TYW1B: variants seen among roughly 807,000 people sequenced by gnomAD.
TYW1B encodes the protein tRNA-yW synthesizing protein 1 homolog B.
TYW1B carries 73 observed loss-of-function variants against 86.9 expected under a neutral mutation model. The ratio of observed to expected loss-of-function variants is 0.84; its 90% CI spans 0.70 to 1.02. The LOEUF is 1.02. Among genes scored for constraint, TYW1B ranks in the 50% least tolerant of loss-of-function variants. The pLI, the probability that TYW1B is intolerant of heterozygous loss-of-function variation, is 0.00. For synonymous variants in TYW1B, 248 were observed against 292.8 expected (o/e 0.85, Z 1.56); for missense variants, 637 against 827.4 (o/e 0.77, Z 2.82).
At position 72,694,784 on chromosome 7, in the gene TYW1B, T is replaced by C. The variant is rs1554451139; in HGVS notation, c.1409A>G (p.Asp470Gly). The C allele has an allele frequency of 1.2e-6, 2 of 1,611,282 alleles. No homozygotes were observed. The highest frequency in any genetic ancestry group is 8.5e-7 in the Non-Finnish European group (1 of 1,179,376). The change falls in exon 11 of 14, where the codon GAT (aspartate) becomes GGT (glycine). Residue 470 changes from aspartate (D) to glycine (G), a missense_variant. Transcript: ENST00000620995. ...CTTCAGGCTGTCTTTGGTACTGGCA[T>C]CCACACTGACATACAGCTGAGTAAC... ...EPVTQLYVSV[D>G]ASTKDSLKKI...
chr7:72,604,994 G>C (rs1441620921), intron 13 of TYW1B, among the ~76,000 whole-genome samples: 1 of 152,184 alleles, frequency 6.6e-6, no homozygotes, highest in African/African-American at 2.4e-5. Flanking sequence ...TAGCCGCTAA[G>C]TAGCCTGCCT....
intron 11 of TYW1B, among the ~76,000 whole-genome samples, chr7:72,674,520 T>G (rs1369316676): frequency 1.3e-5 from 2 of 151,868 alleles, no homozygotes; most frequent in African/African-American, 4.8e-5. Flanking sequence ...AATCCACACC[T>G]CCATACACAC....
chr7:72,705,776 G>A (rs1409257390), intron 10 of TYW1B, among the ~76,000 whole-genome samples: 4 of 152,124 alleles, frequency 2.6e-5, no homozygotes, highest in African/African-American at 9.7e-5. Context: ...AGTTCTCTGA[G>A]GTTCCTCAGA....
chr7:72,626,449 G>C (rs111931569), intron 12 of TYW1B, among the ~76,000 whole-genome samples: 122 of 140,484 alleles, frequency 8.7e-4, no homozygotes, highest in Middle Eastern at 7.9e-3. Context: ...TCTTATCCCT[G>C]AAACTTCGAG....
intron 11 of TYW1B, among the ~76,000 whole-genome samples, chr7:72,686,533 A>G (rs180924723): frequency 2.6e-5 from 4 of 152,300 alleles, no homozygotes; most frequent in Non-Finnish European, 2.9e-5. Flanking sequence ...AGATCCATCC[A>G]TGGTTGCCAG....
chr7:72,733,386 G>A (rs577825473), intron 8 of TYW1B, among the ~76,000 whole-genome samples: 26 of 152,268 alleles, frequency 1.7e-4, no homozygotes, highest in African/African-American at 4.6e-4. Flanking sequence ...TTGGCCGGGC[G>A]CGGTGGCTCA....
intron 9 of TYW1B, among the ~76,000 whole-genome samples, chr7:72,723,501 T>C (rs2129570919): frequency 6.6e-6 from 1 of 152,254 alleles, no homozygotes; most frequent in South Asian, 2.1e-4. Flanking sequence ...GTGCAGTGGT[T>C]CACACCTATA....
At chr7:72,657,163 A>G (rs1414119795) in intron 11 of TYW1B, among the ~76,000 whole-genome samples, 1 of 152,206 alleles carries the variant, frequency 6.6e-6, no homozygotes, top group Admixed American at 6.5e-5. Context: ...CTAAAATAGA[A>G]CCAAATCAGA....
intron 11 of TYW1B, among the ~76,000 whole-genome samples, chr7:72,687,397 G>A (rs1814033046): frequency 6.6e-6 from 1 of 152,130 alleles, no homozygotes. Context: ...TCACACCATT[G>A]CACTCCAGCC....
intron 13 of TYW1B, among the ~76,000 whole-genome samples, chr7:72,595,472 T>A (rs1279936089): frequency 3.3e-5 from 5 of 152,124 alleles, no homozygotes; most frequent in African/African-American, 1.2e-4. Context: ...TTGCTTGAGC[T>A]CAGGAGTTTG....
intron 9 of TYW1B, among the ~76,000 whole-genome samples, chr7:72,728,356 G>C (rs186546737): frequency 6.6e-6 from 1 of 152,244 alleles, no homozygotes; most frequent in African/African-American, 2.4e-5. Flanking sequence ...GCCCAGGTTG[G>C]AGTGGAGTGG....
intron 13 of TYW1B, among the ~76,000 whole-genome samples, chr7:72,590,382 G>C (rs1248142000): frequency 3.9e-5 from 6 of 152,198 alleles, no homozygotes; most frequent in Non-Finnish European, 8.8e-5. Context: ...TGGAAGGGCG[G>C]AATAGAGGCA....
chr7:72,787,011 A>AT (rs1458487825), intron 6 of TYW1B, among the ~76,000 whole-genome samples: 3 of 152,052 alleles, frequency 2.0e-5, no homozygotes, highest in African/African-American at 7.2e-5. Flanking sequence ...AACATTACAC[A>AT]TTCACGTTGA....
At chr7:72,780,091 G>C (rs1347325976) in intron 6 of TYW1B, among the ~76,000 whole-genome samples, 1 of 151,990 alleles carries the variant, frequency 6.6e-6, no homozygotes, top group East Asian at 1.9e-4. Context: ...AAATAAAAAG[G>C]CTCCAGTTAT....
chr7:72,796,551 T>A lies in TYW1B; in HGVS notation c.846+5849A>T, dbSNP rs74470781. On this transcript the variant is annotated intron_variant, in intron 6 of 13. Transcript: ENST00000620995. The stretch of plus-strand genomic sequence containing the variant: ...GCGCCAGGCCAACTAATTTTTTTTT[T>A]AATTTGATGTAATATAATCTATTAC... Among the ~76,000 whole-genome samples the A allele has an allele frequency of 2.4e-3, 358 of 151,996 alleles. 4 individuals are homozygous for A. The highest frequency in any genetic ancestry group is 8.2e-3 in the African/African-American group (341 of 41,490).
At chr7:72,794,928 C>T (rs1255267244) in intron 6 of TYW1B, among the ~76,000 whole-genome samples, 1 of 151,920 alleles carries the variant, frequency 6.6e-6, no homozygotes, top group Admixed American at 6.6e-5. Context: ...AAGCGATTCT[C>T]CTACCTCAGC....
intron 2 of TYW1B, among the ~76,000 whole-genome samples, chr7:72,817,335 G>A (rs1385874509): frequency 2.0e-5 from 3 of 151,914 alleles, no homozygotes; most frequent in Non-Finnish European, 4.4e-5. Flanking sequence ...TCGAACCCAG[G>A]AGGCGGAGGT....
intron 10 of TYW1B, among the ~76,000 whole-genome samples, chr7:72,706,366 G>C (rs1261295161): frequency 6.9e-6 from 1 of 144,380 alleles, no homozygotes; most frequent in Non-Finnish European, 1.5e-5. Flanking sequence ...AGTGGAGGTT[G>C]TGGTGAGCCG....
rs1427963570 is a variant in TYW1B at position 72,575,464 on chromosome 7, T to A, written c.*34A>T. The A allele has an allele frequency of 1.9e-6, 3 of 1,585,204 alleles. No homozygotes were observed. In the Admixed American group the frequency reaches 5.6e-5, roughly 30 times the overall value. Reference sequence around the variant, plus strand: ...CAAGAACCTTTTGAGGCCATCCAAGTTTTTGTCCTTCAGTACCTTGAAATC... The same window carrying A: ...CAAGAACCTTTTGAGGCCATCCAAGATTTTGTCCTTCAGTACCTTGAAATC... On this transcript the variant is annotated 3_prime_UTR_variant, in exon 14 of 14. Transcript: ENST00000620995.
Sources: gnomAD v4.1 joint callset for allele counts (sites outside exome capture counted in the v4.1 genomes callset) on GRCh38, gnomAD v4.1.1 for gene constraint, MANE v1.5 for transcripts, NCBI Gene and HGNC (gene_info 2026-07-23, HGNC 2026-07-21) for gene names.